ITIH5: variants seen among roughly 807,000 people sequenced by gnomAD.
ITIH5 encodes inter-alpha-trypsin inhibitor heavy chain 5.
In ITIH5, 65 loss-of-function variants were observed where a neutral mutation model predicts 77.5. The ratio of observed to expected loss-of-function variants is 0.84; its 90% CI spans 0.69 to 1.03. The LOEUF (loss-of-function observed/expected upper bound fraction) is 1.03, where lower values mean the gene tolerates loss of function less well. ITIH5 is among the 50% of genes least tolerant of loss of function. ITIH5 has a pLI of 0.00. For synonymous variants in ITIH5, 525 were observed against 494.3 expected (o/e 1.06, Z -0.82); for missense variants, 1,208 against 1,213.1 (o/e 1.00, Z 0.06).
At chr10:7,656,413 C>T (rs1834182638) in intron 1 of ITIH5, among the ~76,000 whole-genome samples, 2 of 152,266 alleles carry the variant, frequency 1.3e-5, no homozygotes, top group Middle Eastern at 3.4e-3. Context: ...CAGGGTCTCG[C>T]TATGTTGTCC....
rs1373081901 is a variant in ITIH5, at chr10:7,563,181, C to T, written c.2731G>A (p.Ala911Thr). 1 of 1,614,208 alleles carries T rather than the reference C, an allele frequency of 6.2e-7. No homozygotes were observed. ...QIDCWFARNNAAKLIDGEYKD... is the reference protein window; with the variant it reads ...QIDCWFARNNTAKLIDGEYKD... ...TACTCCCCGTCAATCAGTTTGGCGG[C>T]ATTGTTCCTGGCAAACCAGCAGTCT... The change falls in exon 14 of 14, where the codon GCC becomes ACC. Residue 911 changes from alanine (A) to threonine (T), a missense_variant. Ala to Thr is a moderately conservative substitution (Grantham distance 58). Transcript: ENST00000397146.
intron 7 of ITIH5, among the ~76,000 whole-genome samples, chr10:7,607,177 T>C (rs1833142411): frequency 6.6e-6 from 1 of 152,266 alleles, no homozygotes; most frequent in African/African-American, 2.4e-5. Flanking sequence ...GAGTCCTTGC[T>C]CTAGACAGGT....
intron 5 of ITIH5, among the ~76,000 whole-genome samples, chr10:7,628,355 A>C (rs532055802): frequency 1.3e-4 from 20 of 152,308 alleles, no homozygotes; most frequent in African/African-American, 4.8e-4. Context: ...TGGACATTTC[A>C]GCTAAATGGA....
chr10:7,603,675 C>T (rs1833061719), intron 7 of ITIH5, among the ~76,000 whole-genome samples: 1 of 152,160 alleles, frequency 6.6e-6, no homozygotes, highest in African/African-American at 2.4e-5. Flanking sequence ...GCTCCGCCTC[C>T]CGGGTTCACA....
chr10:7,633,933 C>G (rs1246636478), intron 5 of ITIH5, among the ~76,000 whole-genome samples: 2 of 151,616 alleles, frequency 1.3e-5, no homozygotes, highest in Non-Finnish European at 2.9e-5. Flanking sequence ...ACTAAAAACA[C>G]AAAAAATTAG....
chr10:7,601,365 G>A (rs1025023317), intron 7 of ITIH5, among the ~76,000 whole-genome samples: 2 of 152,176 alleles, frequency 1.3e-5, no homozygotes, highest in African/African-American at 4.8e-5. Flanking sequence ...CATATCTGGG[G>A]AGGGTGACTG....
chr10:7,573,236 A>G, intron 10 of ITIH5, 41 bp from the exon 11 acceptor site: 2 of 1,541,954 alleles, frequency 1.3e-6, no homozygotes, highest in Non-Finnish European at 9.0e-7. Flanking sequence ...TCATTCCTTA[A>G]AGAAGATGAA....
chr10:7,617,685 C>A (rs1833397287), intron 5 of ITIH5: 1 of 153,554 alleles, frequency 6.5e-6, no homozygotes, highest in Non-Finnish European at 1.4e-5. Context: ...TATGTCTTTA[C>A]CTGTAAGAAC....
At position 7,562,934 on chromosome 10, in the gene ITIH5, A is replaced by C; in HGVS notation, c.*149T>G. 3 of 578,230 alleles carry C rather than the reference A, an allele frequency of 5.2e-6. No homozygotes were observed. The highest frequency in any genetic ancestry group is 2.2e-5 in the Admixed American group (1 of 44,678). The allele number at this position is 578,230 out of a possible 1,614,324, so 35.8% of individuals were successfully genotyped here. A position where few individuals can be genotyped will look rare whatever the true frequency, so the allele number is the denominator to read the frequency against. On this transcript the variant is annotated 3_prime_UTR_variant, in exon 14 of 14. Transcript: ENST00000397146. ...ACCCACCCCTACCCTTCGCCCAGAC[A>C]GACGTCGGATCTATGCTGCACCAGG...
At chr10:7,630,359 G>T (rs1178875351) in intron 5 of ITIH5, among the ~76,000 whole-genome samples, 1 of 152,126 alleles carries the variant, frequency 6.6e-6, no homozygotes, top group Non-Finnish European at 1.5e-5. Context: ...CCAGATCTTG[G>T]GTCTTGCTAG....
chr10:7,601,053 A>G (rs987764260), intron 7 of ITIH5, among the ~76,000 whole-genome samples: 9 of 152,216 alleles, frequency 5.9e-5, no homozygotes, highest in African/African-American at 1.9e-4. Flanking sequence ...ACCACTAAAT[A>G]TAACATTTTT....
chr10:7,566,305 G>A lies in ITIH5; in HGVS notation c.2252C>T (p.Pro751Leu), dbSNP rs763491321. The A allele has an allele frequency of 5.0e-6, 8 of 1,613,730 alleles. No individual in the cohort carries two copies. Among genetic ancestry groups the A allele is most frequent in the Non-Finnish European group, 6.8e-6 (8 of 1,179,934 alleles). The part of the protein sequence containing the change: ...LRTITILINK[P>L]ERSYLEITPS... Reference sequence around the variant, plus strand: ...TGTGATCTCGAGATAAGATCTCTCTGGCTTGTTGATGAGGATGGTGATAGT... The same window carrying A: ...TGTGATCTCGAGATAAGATCTCTCTAGCTTGTTGATGAGGATGGTGATAGT... The change falls in exon 13 of 14, where the codon CCA (proline) becomes CTA (leucine). Residue 751 changes from proline to leucine, a missense_variant. Transcript: ENST00000397146.
At chr10:7,610,282 T>C (rs74119817) in intron 7 of ITIH5, among the ~76,000 whole-genome samples, 2,658 of 152,226 alleles carry the variant, frequency 0.017, 65 homozygotes, top group African/African-American at 0.058. Context: ...AGGTCCTGGC[T>C]TCCAGGATCA....
chr10:7,569,061 G>A (rs1174350012), intron 12 of ITIH5: 1 of 122,650 alleles, frequency 8.2e-6, no homozygotes, highest in African/African-American at 3.1e-5. Flanking sequence ...TTTTCACCCA[G>A]GCTGGAGTGC....
chr10:7,595,721 A>C (rs1832881555), intron 7 of ITIH5, among the ~76,000 whole-genome samples: 1 of 152,158 alleles, frequency 6.6e-6, no homozygotes, highest in South Asian at 2.1e-4. Context: ...AATATAAGTA[A>C]ACTCTGGCCG....
intron 5 of ITIH5, among the ~76,000 whole-genome samples, chr10:7,624,195 A>G (rs900953280): frequency 2.0e-5 from 3 of 152,196 alleles, no homozygotes; most frequent in African/African-American, 4.8e-5. Context: ...CACACTTTCT[A>G]AAAGTTAACC....
chr10:7,589,184 G>A (rs549061510), intron 7 of ITIH5, among the ~76,000 whole-genome samples: 4 of 152,326 alleles, frequency 2.6e-5, no homozygotes, highest in Middle Eastern at 3.4e-3. Context: ...GGTGCCGGGC[G>A]CAGTGGCTCA....
rs1476946968 is a variant in ITIH5, at chr10:7,666,864, C to A, written c.29G>T (p.Gly10Val). ...CTGCGACCCCACACACAGGGACAGC[C>A]CCAGGCACAGCCCCAGCAGCAGGAG... is the stretch of plus-strand genomic sequence containing the variant. MLLLLGLCL[G>V]LSLCVGSQEE... Residue 10 changes from glycine (G) to valine (V), a missense_variant, in exon 1 of 14, where the codon GGG becomes GTG. Gly to Val is a moderately radical substitution (Grantham distance 109, BLOSUM62 -3). Coordinates refer to ENST00000397146, the MANE Select transcript of ITIH5 (RefSeq NM_030569.7). 1 of 1,601,372 alleles carries A rather than the reference C, an allele frequency of 6.2e-7. No homozygotes were observed. The highest frequency in any genetic ancestry group is 8.5e-7 in the Non-Finnish European group (1 of 1,175,228).
At chr10:7,656,661 A>G (rs556828501) in intron 1 of ITIH5, among the ~76,000 whole-genome samples, 1 of 152,302 alleles carries the variant, frequency 6.6e-6, no homozygotes, top group South Asian at 2.1e-4. Context: ...GCTGGGAGTA[A>G]TAAGTTTTCC....
Sources: gnomAD v4.1 joint callset for allele counts (sites outside exome capture counted in the v4.1 genomes callset) on GRCh38, gnomAD v4.1.1 for gene constraint, MANE v1.5 for transcripts, NCBI Gene and HGNC (gene_info 2026-07-23, HGNC 2026-07-21) for gene names.